TRIM35: variants seen among roughly 807,000 people sequenced by gnomAD.
TRIM35 encodes E3 ubiquitin-protein ligase TRIM35.
TRIM35 carries 37 observed loss-of-function variants against 49.1 expected under a neutral mutation model. The ratio of observed to expected loss-of-function variants is 0.75; its 90% CI spans 0.58 to 0.99. The LOEUF is 0.99. Among genes scored for constraint, TRIM35 ranks in the 50% least tolerant of loss-of-function variants. The pLI is 0.00. For missense variants in TRIM35, 648 were observed against 702.7 expected (o/e 0.92, Z 0.88); for synonymous variants, 302 against 289.3 (o/e 1.04, Z -0.45).
chr8:27,302,523 C>T (rs1448487794), intron 1 of TRIM35, among the ~76,000 whole-genome samples: 2 of 152,238 alleles, frequency 1.3e-5, no homozygotes, highest in African/African-American at 4.8e-5. Context: ...CCCACCACCT[C>T]AGCCTCCCAA....
chr8:27,289,430 T>G (rs1802407419), intron 4 of TRIM35, 150 bp from the exon 5 acceptor site: 2 of 644,398 alleles, frequency 3.1e-6, no homozygotes, highest in Admixed American at 5.2e-5. Flanking sequence ...TGGACTGGGC[T>G]ACGATGGGAG....
rs187872583 is a variant in TRIM35 at position 27,298,176 on chromosome 8, A to G, written c.531+288T>C. On this transcript the variant is annotated intron_variant, in intron 2 of 5. Coordinates refer to ENST00000305364, the MANE Select transcript of TRIM35 (RefSeq NM_171982.5). ...TGAGTCCCAGGTCATCATTGAACAC[A>G]CAGGTGGCAGTGATATGATGCATGT... Among the ~76,000 whole-genome samples, 414 of 152,352 alleles carry G rather than the reference A, an allele frequency of 2.7e-3. 1 individual carries two copies. Among genetic ancestry groups the G allele is most frequent in the African/African-American group, 9.6e-3 (398 of 41,578 alleles).
intron 2 of TRIM35, 93 bp downstream of exon 2, chr8:27,298,371 T>C: frequency 8.1e-7 from 1 of 1,236,888 alleles, no homozygotes. Context: ...CAGCGGGTTA[T>C]GTGAGCCAAA....
chr8:27,304,902 A>G (rs1205550673), intron 1 of TRIM35: 1 of 416,772 alleles, frequency 2.4e-6, no homozygotes, highest in Non-Finnish European at 4.7e-6. Context: ...AAGTCTCTAC[A>G]GTCTCCCAAA....
chr8:27,294,822 GTTTTT>G (rs59648007), intron 2 of TRIM35, among the ~76,000 whole-genome samples: 1 of 149,360 alleles, frequency 6.7e-6, no homozygotes, highest in Non-Finnish European at 1.5e-5. Flanking sequence ...CAAAAAGTTT[GTTTTT>G]TTTTTTCTTT....
rs1387200552 is a variant in TRIM35 at position 27,287,535 on chromosome 8, C to A, written c.*15G>T. On this transcript the variant is annotated 3_prime_UTR_variant, in exon 6 of 6. Coordinates refer to ENST00000305364, the MANE Select transcript of TRIM35 (RefSeq NM_171982.5). This position sits in a 1 kb window ranked among gnomAD's most constrained non-coding sequence, Gnocchi z 6.0. ...ACAGTGCTGTGGCACAAGACCGGGGCAGCCCCGGGCCAGCTCAGCCATCCA... is the reference window on the plus strand; with the variant it reads ...ACAGTGCTGTGGCACAAGACCGGGGAAGCCCCGGGCCAGCTCAGCCATCCA... 1.3e-6 allele frequency: 2 copies of A among 1,541,918 alleles called. No homozygotes were observed. Among genetic ancestry groups the A allele is most frequent in the Non-Finnish European group, 8.8e-7 (1 of 1,142,464 alleles).
intron 1 of TRIM35, among the ~76,000 whole-genome samples, chr8:27,309,921 G>A (rs182467985): frequency 7.0e-4 from 106 of 151,782 alleles, no homozygotes; most frequent in African/African-American, 2.4e-3. Context: ...GAACCCAGGA[G>A]GCGGAGGTTG....
intron 1 of TRIM35, chr8:27,304,907 C>T: frequency 2.4e-6 from 1 of 410,060 alleles, no homozygotes; most frequent in Non-Finnish European, 4.7e-6. Context: ...TCTACAGTCT[C>T]CCAAATTTCA....
chr8:27,299,152 T>A (rs530848781), intron 1 of TRIM35, among the ~76,000 whole-genome samples: 1 of 152,288 alleles, frequency 6.6e-6, no homozygotes, highest in East Asian at 1.9e-4. Context: ...AATACTTTAA[T>A]CAGCAGGCAC....
chr8:27,309,973 T>C (rs55855644), intron 1 of TRIM35, among the ~76,000 whole-genome samples: 15,981 of 135,526 alleles, frequency 0.12, 1,058 homozygotes, highest in African/African-American at 0.2. Flanking sequence ...ACCTGGGCGA[T>C]AGAGGTCTCA....
At chr8:27,310,162 T>C (rs1400439796) in intron 1 of TRIM35, among the ~76,000 whole-genome samples, 1 of 152,238 alleles carries the variant, frequency 6.6e-6, no homozygotes, top group East Asian at 1.9e-4. Context: ...TTATCTTCTA[T>C]TCATTTTTCC....
At chr8:27,296,668 C>A (rs1586048578) in intron 2 of TRIM35, among the ~76,000 whole-genome samples, 1 of 152,216 alleles carries the variant, frequency 6.6e-6, no homozygotes, top group Non-Finnish European at 1.5e-5. Flanking sequence ...GCAAGCCAGT[C>A]ATATGGCTTT....
Position 27,286,217 on chromosome 8 carries a change from G to A in TRIM35, c.*1333C>T, listed in dbSNP as rs1802315856. Reference sequence around the variant, plus strand: ...TGAAGATTAAAAACTCTTCAGAGATGTGCGAGAAAAAACAAGCCCAGGGAA... The same window carrying A: ...TGAAGATTAAAAACTCTTCAGAGATATGCGAGAAAAAACAAGCCCAGGGAA... On this transcript the variant is annotated 3_prime_UTR_variant, in exon 6 of 6. Coordinates refer to ENST00000305364, the MANE Select transcript of TRIM35 (RefSeq NM_171982.5). 1 of 452,126 alleles carries A rather than the reference G, an allele frequency of 2.2e-6. No homozygotes were observed. The highest frequency in any genetic ancestry group is 4.4e-6 in the Non-Finnish European group (1 of 225,362). 28.0% of individuals were successfully genotyped at this position (452,126 alleles called of 1,614,324 possible). A position where few individuals can be genotyped will look rare whatever the true frequency, so the allele number is the denominator to read the frequency against.
Position 27,311,046 on chromosome 8 carries a change from C to A in TRIM35, c.190G>T (p.Ala64Ser), listed in dbSNP as rs369572943. ...TTGGTGCGCAGGTCGGCGGGTGACG[C>A]GCGGTCTTTGCACACTGGGCAGGTG... is the stretch of plus-strand genomic sequence containing the variant. ...SPTCPVCKDR[A>S]SPADLRTNHT... Residue 64 changes from alanine to serine, a missense_variant, in exon 1 of 6, where the codon GCG (alanine) becomes TCG (serine). Coordinates refer to ENST00000305364, the MANE Select transcript of TRIM35 (RefSeq NM_171982.5). The A allele has an allele frequency of 1.3e-6, 2 of 1,599,290 alleles. No homozygotes were observed. The highest frequency in any genetic ancestry group is 2.7e-5 in the African/African-American group (2 of 74,676).
intron 1 of TRIM35, among the ~76,000 whole-genome samples, chr8:27,306,618 C>G (rs923400841): frequency 6.6e-6 from 1 of 152,208 alleles, no homozygotes; most frequent in Non-Finnish European, 1.5e-5. Context: ...GCCACCACAC[C>G]CGGCCACCAT....
Position 27,286,851 on chromosome 8 carries a change from G to C in TRIM35, c.*699C>G, listed in dbSNP as rs145840743. ...CTTTCCTATGGAAACCAACTAATCC[G>C]GAGCGATGGCGCCAGCTGCCTCCTT... On this transcript the variant is annotated 3_prime_UTR_variant, in exon 6 of 6. Coordinates refer to ENST00000305364, the MANE Select transcript of TRIM35 (RefSeq NM_171982.5). The C allele has an allele frequency of 6.6e-6, 1 of 152,632 alleles. No homozygotes were observed. Among genetic ancestry groups the C allele is most frequent in the African/African-American group, 2.4e-5 (1 of 41,424 alleles). 9.5% of individuals were successfully genotyped at this position (152,632 alleles called of 1,614,324 possible).
chr8:27,310,145 C>A (rs546686212), intron 1 of TRIM35, among the ~76,000 whole-genome samples: 1 of 152,328 alleles, frequency 6.6e-6, no homozygotes, highest in East Asian at 1.9e-4. Flanking sequence ...CTGAGTTAGG[C>A]TAACCCTTAT....
At chr8:27,310,692 G>T in intron 1 of TRIM35, 109 bp downstream of exon 1, 1 of 1,284,436 alleles carries the variant, frequency 7.8e-7, no homozygotes, top group Non-Finnish European at 1.1e-6. Flanking sequence ...CTGGGAGCGA[G>T]ACGCGGGCAC....
chr8:27,288,257 G>A lies in TRIM35; in HGVS notation c.905-130C>T. 4 of 884,860 alleles carry A rather than the reference G, an allele frequency of 4.5e-6. No individual in the cohort carries two copies. In the South Asian group the frequency reaches 7.0e-5, roughly 15 times the overall value. 54.8% of individuals were successfully genotyped at this position (884,860 alleles called of 1,614,324 possible). A position where few individuals can be genotyped will look rare whatever the true frequency, so the allele number is the denominator to read the frequency against. On this transcript the variant is annotated intron_variant, in intron 5 of 5. Coordinates refer to ENST00000305364, the MANE Select transcript of TRIM35 (RefSeq NM_171982.5). ...CAAGTCCATGCAAGGAGTGGCCCAG[G>A]GCTGGAGTGGTGGCAGGGGTTGGGC...
Sources: allele counts gnomAD v4.1 joint callset (sites outside exome capture counted in the v4.1 genomes callset), GRCh38; gene constraint gnomAD v4.1.1; non-coding constraint Gnocchi (gnomAD v3.1); transcripts MANE v1.5; gene names NCBI Gene and HGNC (gene_info 2026-07-23, HGNC 2026-07-21).